EXOC4: variants seen among roughly 807,000 people sequenced by gnomAD.
The protein encoded by EXOC4 is exocyst complex component 4.
A neutral mutation model predicts 107.2 loss-of-function variants in EXOC4; 71 were observed. The observed-to-expected ratio is 0.66, with a 90% CI of 0.55 to 0.81. The LOEUF (loss-of-function observed/expected upper bound fraction) is 0.81, where lower values mean the gene tolerates loss of function less well. EXOC4 is among the 30% of genes least tolerant of loss of function. The pLI is 0.00. For synonymous variants in EXOC4, 456 were observed against 441.2 expected (o/e 1.03, Z -0.42); for missense variants, 1,108 against 1,189.6 (o/e 0.93, Z 1.01).
chr7:133,804,332 T>A lies in EXOC4; in HGVS notation c.1515-12993T>A, dbSNP rs78635949. Among the ~76,000 whole-genome samples, 303 of 152,282 alleles carry A rather than the reference T, an allele frequency of 2.0e-3. 1 individual carries two copies. The highest frequency in any genetic ancestry group is 7.0e-3 in the African/African-American group (290 of 41,568). On this transcript the variant is annotated intron_variant, in intron 10 of 17. Transcript: ENST00000253861. ...GGACAAGACTAATATCATAACTGTC[T>A]TTGCCTGTCTGTGACTCATATCATT...
At chr7:134,065,800 A>G (rs981565391), downstream of EXOC4, 6 of 152,192 alleles carry the variant, frequency 3.9e-5, no homozygotes, top group Non-Finnish European at 7.3e-5. Flanking sequence ...TATTCAGCAA[A>G]TATTCCCCAG....
Position 133,864,077 on chromosome 7 carries a change from A to G in EXOC4, c.1735-31522A>G, listed in dbSNP as rs140215017. On this transcript the variant is annotated intron_variant, in intron 11 of 17. Transcript: ENST00000253861. The stretch of plus-strand genomic sequence containing the variant: ...GACCATGTCTCTGCTGTAATCTCTG[A>G]TGGCTAATTTGCATAAATAACCGTG... 2.1e-3 allele frequency among the ~76,000 whole-genome samples: 324 copies of G among 152,250 alleles called. 1 individual carries two copies. Among genetic ancestry groups the G allele is most frequent in the African/African-American group, 7.5e-3 (312 of 41,548 alleles).
At chr7:133,788,979 C>T (rs975106524) in intron 10 of EXOC4, among the ~76,000 whole-genome samples, 12 of 152,182 alleles carry the variant, frequency 7.9e-5, no homozygotes, top group African/African-American at 2.9e-4. Context: ...GTCTCTACTG[C>T]TGCCCCTCTG....
chr7:133,608,282 AT>A lies in EXOC4; in HGVS notation c.1418-21760del, dbSNP rs201834381. The stretch of plus-strand genomic sequence containing the variant: ...ATTTTCTCTTATATTCCTTTAAGAT[AT>A]TTAGGTTAACAGTTTGTTTGATTAC... On this transcript the variant is annotated intron_variant, in intron 9 of 17. Transcript: ENST00000253861. 4.8e-3 allele frequency among the ~76,000 whole-genome samples: 732 copies of A among 152,118 alleles called. 3 individuals are homozygous for A. The highest frequency in any genetic ancestry group is 0.017 in the Middle Eastern group (5 of 294).
intron 9 of EXOC4, among the ~76,000 whole-genome samples, chr7:133,539,013 G>C (rs1203645703): frequency 6.6e-6 from 1 of 151,712 alleles, no homozygotes; most frequent in East Asian, 1.9e-4. Context: ...AACTGCTGCT[G>C]ATCTGTCATT....
intron 9 of EXOC4, among the ~76,000 whole-genome samples, chr7:133,539,204 G>C (rs1371505250): frequency 6.6e-6 from 1 of 152,078 alleles, no homozygotes; most frequent in Non-Finnish European, 1.5e-5. Flanking sequence ...GTGACAGAGT[G>C]TCCTGCCCTC....
chr7:134,100,893 G>A, the EXOC4 span, among the ~76,000 whole-genome samples: 4 of 127,474 alleles, frequency 3.1e-5, no homozygotes, highest in East Asian at 2.1e-4. Context: ...GCAGTGAGCC[G>A]AGATTGCAGC....
At chr7:133,948,997 G>A (rs1226167615) in intron 14 of EXOC4, among the ~76,000 whole-genome samples, 1 of 152,176 alleles carries the variant, frequency 6.6e-6, no homozygotes, top group Non-Finnish European at 1.5e-5. Flanking sequence ...CAGCAGCAAG[G>A]CGAATGCAAT....
chr7:133,845,618 A>T (rs188183949), intron 11 of EXOC4, among the ~76,000 whole-genome samples: 12 of 152,094 alleles, frequency 7.9e-5, no homozygotes, highest in Non-Finnish European at 4.4e-5. Flanking sequence ...ACTCTCTAGC[A>T]TGTCATTCCT....
intron 7 of EXOC4, among the ~76,000 whole-genome samples, chr7:133,436,452 T>C (rs2150783676): frequency 6.6e-6 from 1 of 152,256 alleles, no homozygotes; most frequent in Middle Eastern, 3.4e-3. Context: ...AACCTTTCTC[T>C]TTTTCTCTTT....
At chr7:133,524,859 C>T (rs1391927759) in intron 9 of EXOC4, among the ~76,000 whole-genome samples, 1 of 152,138 alleles carries the variant, frequency 6.6e-6, no homozygotes, top group Non-Finnish European at 1.5e-5. Flanking sequence ...CAACAGTGAG[C>T]TCTTCCTTAG....
intron 11 of EXOC4, among the ~76,000 whole-genome samples, chr7:133,826,353 T>G (rs1390171515): frequency 6.6e-6 from 1 of 152,216 alleles, no homozygotes; most frequent in African/African-American, 2.4e-5. Context: ...TCTTTGAAAG[T>G]GCTTACTGCT....
At chr7:133,842,327 TTAG>T (rs1798039760) in intron 11 of EXOC4, among the ~76,000 whole-genome samples, 1 of 152,212 alleles carries the variant, frequency 6.6e-6, no homozygotes, top group Non-Finnish European at 1.5e-5. Flanking sequence ...TATTGACTTT[TTAG>T]TAGTAGCCAT....
At chr7:133,548,925 T>C (rs1206415669) in intron 9 of EXOC4, among the ~76,000 whole-genome samples, 3 of 152,214 alleles carry the variant, frequency 2.0e-5, no homozygotes, top group Non-Finnish European at 4.4e-5. Context: ...ACGTGGCTGT[T>C]TGGTGCAAGA....
At chr7:133,916,831 G>T (rs531955848) in intron 12 of EXOC4, among the ~76,000 whole-genome samples, 2 of 152,250 alleles carry the variant, frequency 1.3e-5, no homozygotes, top group Admixed American at 6.5e-5. Flanking sequence ...TATTTAGATC[G>T]TTGAAATTAG....
intron 2 of EXOC4, among the ~76,000 whole-genome samples, chr7:133,288,337 TA>T (rs1344810306): frequency 2.0e-5 from 3 of 152,208 alleles, no homozygotes; most frequent in African/African-American, 7.2e-5. Flanking sequence ...TTGTCTTATT[TA>T]ATATCTAATA....
chr7:133,310,159 T>G (rs896395249), intron 4 of EXOC4, among the ~76,000 whole-genome samples: 1 of 152,222 alleles, frequency 6.6e-6, no homozygotes, highest in African/African-American at 2.4e-5. Context: ...TAGATATGTA[T>G]ATTTAAAAAT....
intron 7 of EXOC4, among the ~76,000 whole-genome samples, chr7:133,465,067 A>T (rs1038630): frequency 6.6e-6 from 1 of 151,766 alleles, no homozygotes; most frequent in Non-Finnish European, 1.5e-5. Context: ...CAATCCTCCC[A>T]CCTTGGCCTC....
chr7:133,638,556 T>C (rs1476333293), intron 10 of EXOC4, among the ~76,000 whole-genome samples: 7 of 152,204 alleles, frequency 4.6e-5, no homozygotes, highest in African/African-American at 1.4e-4. Flanking sequence ...AAGAGACTCA[T>C]GGAGGGGTTG....
Sources: allele counts gnomAD v4.1 joint callset (sites outside exome capture counted in the v4.1 genomes callset), GRCh38; gene constraint gnomAD v4.1.1; transcripts MANE v1.5; gene names NCBI Gene and HGNC (gene_info 2026-07-23, HGNC 2026-07-21).